Variants in TMEM126B observed in about 807,000 individuals in gnomAD.
The protein encoded by TMEM126B is complex I assembly factor TMEM126B, mitochondrial.
A neutral mutation model predicts 16.5 loss-of-function variants in TMEM126B; 19 were observed. The ratio of observed to expected loss-of-function variants is 1.15; its 90% CI spans 0.80 to 1.69. The LOEUF (loss-of-function observed/expected upper bound fraction) is 1.69. TMEM126B is among the 40% of genes most tolerant of loss of function. The pLI, the probability that TMEM126B is intolerant of heterozygous loss-of-function variation, is 0.00. For missense variants in TMEM126B, 293 were observed against 278.7 expected, an observed-to-expected ratio of 1.05 and a Z score of -0.37; for synonymous variants, 104 against 93.2, an observed-to-expected ratio of 1.12 and a Z score of -0.67.
intron 3 of TMEM126B, 167 bp downstream of exon 3, chr11:85,634,446 A>C: frequency 1.8e-6 from 1 of 555,702 alleles, no homozygotes. Flanking sequence ...AATCCTCCTA[A>C]TCAGGTAAAC....
chr11:85,635,700 G>A lies in TMEM126B; in HGVS notation c.431G>A (p.Ser144Asn). Residue 144 changes from serine (S) to asparagine (N), a missense_variant, in exon 4 of 5, where the codon AGC becomes AAC. By Grantham distance (46) the Ser-to-Asn change is conservative. Coordinates refer to ENST00000358867, the MANE Select transcript of TMEM126B (RefSeq NM_018480.7). ...NISKENCVFR[S>N]SLIGIVCGVF... ...AGCAAGGAAAACTGTGTTTTCAGAA[G>A]CTCACTGATTGGCATAGTTTGTGGT... is the stretch of plus-strand genomic sequence containing the variant. The A allele has an allele frequency of 1.2e-6, 2 of 1,606,572 alleles. No homozygotes were observed. Among genetic ancestry groups the A allele is most frequent in the Non-Finnish European group, 1.7e-6 (2 of 1,178,304 alleles).
At position 85,635,734 on chromosome 11, in the gene TMEM126B, T is replaced by G; in HGVS notation, c.465T>G (p.Tyr155Ter). 1 of 1,608,052 alleles carries G rather than the reference T, an allele frequency of 6.2e-7. No homozygotes were observed. The highest frequency in any genetic ancestry group is 1.1e-5 in the South Asian group (1 of 89,294). Reference sequence around the variant, plus strand: ...TTGGCATAGTTTGTGGTGTTTTCTATCCCAGTTCTTTGGCTTTTACTAAAA... The same window carrying G: ...TTGGCATAGTTTGTGGTGTTTTCTAGCCCAGTTCTTTGGCTTTTACTAAAA... ...SLIGIVCGVFYPSSLAFTKNG... is the reference protein window; with the variant it reads ...SLIGIVCGVF The change falls in exon 4 of 5, where the codon TAT becomes TAG. Residue 155 changes from tyrosine (Y) to a stop codon, truncating the protein, a stop_gained. Coordinates refer to ENST00000358867, the MANE Select transcript of TMEM126B (RefSeq NM_018480.7). LOFTEE classifies it low-confidence loss of function (END_TRUNC).
At position 85,631,810 on chromosome 11, in the gene TMEM126B, T is replaced by C. The variant is rs774378991; in HGVS notation, c.203+2T>C. On this transcript the variant is annotated splice_donor_variant, in intron 2 of 4. Coordinates refer to ENST00000358867, the MANE Select transcript of TMEM126B (RefSeq NM_018480.7). LOFTEE classifies it high-confidence loss of function. ...TTTTGACTATCTTAGAAAAGAAATGTAAGAGAAATGCCCAGGCTGAAAATC... is the reference window on the plus strand; with the variant it reads ...TTTTGACTATCTTAGAAAAGAAATGCAAGAGAAATGCCCAGGCTGAAAATC... 16 of 1,593,868 alleles carry C rather than the reference T, an allele frequency of 1.0e-5. No homozygotes were observed. The highest frequency in any genetic ancestry group is 1.5e-5 in the African/African-American group (1 of 68,126).
At chr11:85,631,651 C>T in intron 1 of TMEM126B, 36 bp from the exon 2 acceptor site, 1 of 1,582,822 alleles carries the variant, frequency 6.3e-7, no homozygotes, top group Middle Eastern at 1.7e-4. Flanking sequence ...ATATGAATAT[C>T]ATTAGCTATT....
At chr11:85,630,730 C>G (rs1337029250) in intron 1 of TMEM126B, among the ~76,000 whole-genome samples, 1 of 152,204 alleles carries the variant, frequency 6.6e-6, no homozygotes, top group African/African-American at 2.4e-5. Flanking sequence ...GTTCATCACA[C>G]TTGGGACACA....
intron 2 of TMEM126B, 115 bp downstream of exon 2, chr11:85,631,923 T>C: frequency 9.2e-7 from 1 of 1,088,250 alleles, no homozygotes; most frequent in South Asian, 1.9e-5. Flanking sequence ...GATCCTATTC[T>C]TTGAGTTGGC....
Position 85,635,895 on chromosome 11 carries a change from G to A in TMEM126B, c.509+117G>A, listed in dbSNP as rs1393893937. 5.8e-6 allele frequency: 6 copies of A among 1,033,332 alleles called. No individual in the cohort carries two copies. In the East Asian group the frequency reaches 8.4e-5, roughly 14 times the overall value. 64.0% of individuals were successfully genotyped at this position (1,033,332 alleles called of 1,614,324 possible). On this transcript the variant is annotated intron_variant, in intron 4 of 4. Coordinates refer to ENST00000358867, the MANE Select transcript of TMEM126B (RefSeq NM_018480.7). ...GTCTATGATATATTTGAATCAAAAT[G>A]TGGTAGTTTGGTATTTCAGATAGCT...
Position 85,636,232 on chromosome 11 carries a change from A to C in TMEM126B, c.*3A>C. 1 of 1,471,820 alleles carries C rather than the reference A, an allele frequency of 6.8e-7. No homozygotes were observed. Among genetic ancestry groups the C allele is most frequent in the Non-Finnish European group, 9.0e-7 (1 of 1,108,776 alleles). 91.2% of individuals were successfully genotyped at this position (1,471,820 alleles called of 1,614,324 possible). ...AGAAAACTATACATGAAGAGTAACCAAAAAAATGAATGGTTGCTAACTTAG... is the reference window on the plus strand; with the variant it reads ...AGAAAACTATACATGAAGAGTAACCCAAAAAATGAATGGTTGCTAACTTAG... On this transcript the variant is annotated 3_prime_UTR_variant, in exon 5 of 5. Coordinates refer to ENST00000358867, the MANE Select transcript of TMEM126B (RefSeq NM_018480.7).
At chr11:85,635,821 CTTTTTTT>C in intron 4 of TMEM126B, 43 bp downstream of exon 4, 2 of 867,436 alleles carry the variant, frequency 2.3e-6, no homozygotes, top group Admixed American at 4.1e-5. Context: ...CTTTTCTTTT[CTTTTTTT>C]TTTTTTTTTT....
intron 1 of TMEM126B, 70 bp from the exon 2 acceptor site, chr11:85,631,617 T>G: frequency 6.6e-7 from 1 of 1,518,024 alleles, no homozygotes; most frequent in Admixed American, 2.2e-5. Flanking sequence ...TCTGAATCTG[T>G]AGAATTCTGT....
Position 85,628,896 on chromosome 11 carries a change from A to G in TMEM126B, c.81+208A>G, listed in dbSNP as rs560379374. On this transcript the variant is annotated intron_variant, in intron 1 of 4. Transcript: ENST00000358867. Reference sequence around the variant, plus strand: ...CTAAATTCTAGTCCTCATTATCTGCAGTTTGTTTTCTCTTGTCTCCAGGCC... The same window carrying G: ...CTAAATTCTAGTCCTCATTATCTGCGGTTTGTTTTCTCTTGTCTCCAGGCC... 1.2e-4 allele frequency among the ~76,000 whole-genome samples: 19 copies of G among 152,300 alleles called. No homozygotes were observed. The South Asian group carries it at 3.9e-3, about 32-fold the overall frequency.
intron 1 of TMEM126B, chr11:85,631,401 A>G: frequency 9.7e-7 from 1 of 1,030,594 alleles, no homozygotes; most frequent in Non-Finnish European, 1.2e-6. Flanking sequence ...TAATCATTAT[A>G]CTACCAATTT....
intron 1 of TMEM126B, 121 bp from the exon 2 acceptor site, chr11:85,631,566 C>A (rs983391334): frequency 2.6e-6 from 3 of 1,143,088 alleles, no homozygotes; most frequent in South Asian, 1.5e-5. Flanking sequence ...AAGCAGACGA[C>A]ACAGTACCTG....
At chr11:85,631,145 G>GA in intron 1 of TMEM126B, 1 of 1,290,172 alleles carries the variant, frequency 7.8e-7, no homozygotes, top group Non-Finnish European at 1.0e-6. Flanking sequence ...ACCTCTCTAG[G>GA]AAATGAAACA....
rs528300437 is a variant in TMEM126B at position 85,631,991 on chromosome 11, T to G, written c.203+183T>G. Among the ~76,000 whole-genome samples the G allele has an allele frequency of 2.8e-3, 420 of 152,358 alleles. 4 individuals are homozygous for G. The highest frequency in any genetic ancestry group is 5.0e-3 in the Non-Finnish European group (340 of 68,030). ...GGGAAACAAGAACAGATGAAAATGGTGGTTTGTTGGAATATTTCGGATTGT... is the reference window on the plus strand; with the variant it reads ...GGGAAACAAGAACAGATGAAAATGGGGGTTTGTTGGAATATTTCGGATTGT... On this transcript the variant is annotated intron_variant, in intron 2 of 4. Transcript: ENST00000358867.
At position 85,635,666 on chromosome 11, in the gene TMEM126B, G is replaced by C; in HGVS notation, c.398-1G>C. 1 of 1,600,460 alleles carries C rather than the reference G, an allele frequency of 6.2e-7. No individual in the cohort carries two copies. Among genetic ancestry groups the C allele is most frequent in the Non-Finnish European group, 8.5e-7 (1 of 1,175,776 alleles). On this transcript the variant is annotated splice_acceptor_variant, in intron 3 of 4. Transcript: ENST00000358867. LOFTEE classifies it high-confidence loss of function. ...AAACCAAATTTACTTTTGTTTTCCAGATAATATAAGCAAGGAAAACTGTGT... is the reference window on the plus strand; with the variant it reads ...AAACCAAATTTACTTTTGTTTTCCACATAATATAAGCAAGGAAAACTGTGT...
intron 3 of TMEM126B, 51 bp downstream of exon 3, chr11:85,634,330 C>A: frequency 1.5e-6 from 2 of 1,343,326 alleles, no homozygotes; most frequent in Non-Finnish European, 2.1e-6. Flanking sequence ...AGTAAAGTTA[C>A]TTATTAACAT....
In TMEM126B at chr11:85,636,177, A is replaced by G. The variant is rs184777231; in HGVS notation, c.641A>G (p.Tyr214Cys). The change falls in exon 5 of 5, where the codon TAC becomes TGC. Residue 214 changes from tyrosine (Y) to cysteine (C), a missense_variant. Physicochemically the swap from Tyr to Cys is radical, Grantham distance 194. Coordinates refer to ENST00000358867, the MANE Select transcript of TMEM126B (RefSeq NM_018480.7). ...QIMFGILNGL[Y>C]HYAVFEETLE... is the part of the protein sequence containing the mutation. ...ATGTTTGGAATATTAAATGGTCTATACCATTATGCAGTATTTGAAGAGACA... is the reference window on the plus strand; with the variant it reads ...ATGTTTGGAATATTAAATGGTCTATGCCATTATGCAGTATTTGAAGAGACA... The G allele has an allele frequency of 1.1e-5, 18 of 1,597,278 alleles. No individual in the cohort carries two copies. In the Admixed American group the frequency reaches 3.1e-4, roughly 27 times the overall value.
chr11:85,635,821 CTTTTT>C (rs58671332), intron 4 of TMEM126B, 43 bp downstream of exon 4: 33 of 869,566 alleles, frequency 3.8e-5, no homozygotes, highest in African/African-American at 6.3e-5. Flanking sequence ...CTTTTCTTTT[CTTTTT>C]TTTTTTTTTT....
Sources: allele counts gnomAD v4.1 joint callset (sites outside exome capture counted in the v4.1 genomes callset), GRCh38; gene constraint gnomAD v4.1.1; transcripts MANE v1.5; gene names NCBI Gene and HGNC (gene_info 2026-07-23, HGNC 2026-07-21).